The following PHYHD1 variants were observed in gnomAD, a reference collection of about 807,000 sequenced individuals.
The protein encoded by PHYHD1 is phytanoyl-CoA dioxygenase domain containing 1.
In PHYHD1, 42 loss-of-function variants were observed where a neutral mutation model predicts 43.6. The ratio of observed to expected loss-of-function variants is 0.96; its 90% CI spans 0.75 to 1.25. The LOEUF is 1.25. Ranked by LOEUF, PHYHD1 falls within the 50% of genes most tolerant of loss-of-function variation. PHYHD1 has a pLI of 0.00. For missense variants in PHYHD1, 342 were observed against 370.8 expected, an observed-to-expected ratio of 0.92 and a Z score of 0.64; for synonymous variants, 139 against 143.6, an observed-to-expected ratio of 0.97 and a Z score of 0.23.
chr9:128,923,360 G>A (rs1841052615), intron 3 of PHYHD1, among the ~76,000 whole-genome samples: 1 of 152,216 alleles, frequency 6.6e-6, no homozygotes, highest in East Asian at 1.9e-4. Context: ...AACAAGGCAT[G>A]AGCCACCGCG....
At position 128,941,502 on chromosome 9, in the gene PHYHD1, A is replaced by G. The variant is rs1841559313; in HGVS notation, c.761A>G (p.Asp254Gly). The G allele has an allele frequency of 6.2e-7, 1 of 1,613,966 alleles. No homozygotes were observed. The highest frequency in any genetic ancestry group is 8.5e-7 in the Non-Finnish European group (1 of 1,180,002). The change falls in exon 12 of 13, where the codon GAC becomes GGC. Residue 254 changes from aspartate (D) to glycine (G), a missense_variant. Coordinates refer to ENST00000372592, the MANE Select transcript of PHYHD1 (RefSeq NM_001100876.2). The stretch of plus-strand genomic sequence containing the variant: ...CACAAGAGCAAGCAGAACCTCTCTG[A>G]CCGCTCGCGCCAGGCCTACACTTTC... ...VVHKSKQNLS[D>G]RSRQAYTFHL...
Position 128,936,571 on chromosome 9 carries a change from GC to G in PHYHD1, c.373-6del. Reference sequence around the variant, plus strand: ...GTGGCAGGCTGGCAGCATGACCTTTGCCCCCCTCCAGACCTTGGCCAGAAGT... The same window carrying G: ...GTGGCAGGCTGGCAGCATGACCTTTGCCCCCTCCAGACCTTGGCCAGAAGT... On this transcript the variant is annotated splice_polypyrimidine_tract_variant and intron_variant, in intron 7 of 12. Coordinates refer to ENST00000372592, the MANE Select transcript of PHYHD1 (RefSeq NM_001100876.2). The G allele has an allele frequency of 6.3e-7, 1 of 1,597,296 alleles. No homozygotes were observed.
Position 128,922,331 on chromosome 9 carries a change from G to A in PHYHD1, c.8G>A (p.Cys3Tyr). Residue 3 changes from cysteine to tyrosine, a missense_variant, in exon 3 of 13, where the codon TGC (cysteine) becomes TAC (tyrosine). Cys to Tyr is a radical substitution (Grantham distance 194, BLOSUM62 -2). Transcript: ENST00000372592. ...AGTGCCCTGAGCGTCTCCATGGCCT[G>A]CCTGAGCCCCTCGCAGCTCCAGAAG... MACLSPSQLQKFQ... is the reference protein window; with the variant it reads MAYLSPSQLQKFQ... 1.9e-6 allele frequency: 3 copies of A among 1,550,918 alleles called. No homozygotes were observed. Among genetic ancestry groups the A allele is most frequent in the Non-Finnish European group, 2.6e-6 (3 of 1,147,254 alleles).
At chr9:128,927,856 T>C (rs1394497687) in intron 4 of PHYHD1, among the ~76,000 whole-genome samples, 1 of 152,234 alleles carries the variant, frequency 6.6e-6, no homozygotes, top group Admixed American at 6.5e-5. Context: ...GCCAGCCACC[T>C]GGAATGAGCA....
At chr9:128,921,831 G>C (rs544040048) in intron 1 of PHYHD1, 99 bp from the exon 2 acceptor site, 1 of 158,392 alleles carries the variant, frequency 6.3e-6, no homozygotes, top group South Asian at 1.8e-4. Flanking sequence ...GGCCCAGATA[G>C]TTCTCCCCAG....
intron 4 of PHYHD1, among the ~76,000 whole-genome samples, chr9:128,933,381 C>T (rs1456744075): frequency 6.6e-6 from 1 of 151,990 alleles, no homozygotes; most frequent in African/African-American, 2.4e-5. Context: ...GAACTCCTGG[C>T]CTCAAGTGAT....
intron 8 of PHYHD1, among the ~76,000 whole-genome samples, 192 bp downstream of exon 8, chr9:128,936,837 G>A (rs1161150927): frequency 6.6e-6 from 1 of 152,072 alleles, no homozygotes; most frequent in Non-Finnish European, 1.5e-5. Flanking sequence ...GGTAGGGGCC[G>A]GGCGTGGTGG....
At chr9:128,940,880 T>A (rs959043598) in intron 11 of PHYHD1, among the ~76,000 whole-genome samples, 165 bp downstream of exon 11, 7 of 152,142 alleles carry the variant, frequency 4.6e-5, no homozygotes, top group African/African-American at 1.7e-4. Context: ...GGAAGCAGCA[T>A]GTTTTCCTGC....
intron 6 of PHYHD1, 42 bp from the exon 7 acceptor site, chr9:128,936,406 G>A (rs372941280): frequency 6.4e-5 from 102 of 1,584,186 alleles, no homozygotes; most frequent in African/African-American, 1.6e-4. Context: ...GGAGGGACAC[G>A]TGGGCCTGAG....
rs756629339 is a variant in PHYHD1, at chr9:128,940,361, C to T, written c.458-8C>T. 4.3e-5 allele frequency: 70 copies of T among 1,613,932 alleles called. 1 individual carries two copies. The South Asian group carries it at 6.7e-4, about 15-fold the overall frequency. ...GATGAGCTCCTCACCCCCCGTGGGC[C>T]TGCTTAGTCTCCCCTCATCAGGACG... On this transcript the variant is annotated splice_polypyrimidine_tract_variant and splice_region_variant and intron_variant, in intron 9 of 12. Coordinates refer to ENST00000372592, the MANE Select transcript of PHYHD1 (RefSeq NM_001100876.2).
In PHYHD1 at chr9:128,922,323, C is replaced by G; in HGVS notation, c.-1C>G. 6.4e-7 allele frequency: 1 copy of G among 1,551,222 alleles called. No homozygotes were observed. Among genetic ancestry groups the G allele is most frequent in the Non-Finnish European group, 8.7e-7 (1 of 1,147,324 alleles). ...AGCCGCCCAGTGCCCTGAGCGTCTC[C>G]ATGGCCTGCCTGAGCCCCTCGCAGC... On this transcript the variant is annotated 5_prime_UTR_variant, in exon 3 of 13. Coordinates refer to ENST00000372592, the MANE Select transcript of PHYHD1 (RefSeq NM_001100876.2).
chr9:128,930,811 T>G (rs1225054423), intron 4 of PHYHD1, among the ~76,000 whole-genome samples: 9 of 151,648 alleles, frequency 5.9e-5, no homozygotes, highest in Admixed American at 5.3e-4. Context: ...TAGCTGGGTG[T>G]GGTGGCGGGC....
rs1341651128 is a variant in PHYHD1 at position 128,940,506 on chromosome 9, C to T, written c.586+9C>T. 1 of 1,614,116 alleles carries T rather than the reference C, an allele frequency of 6.2e-7. No homozygotes were observed. The highest frequency in any genetic ancestry group is 8.5e-7 in the Non-Finnish European group (1 of 1,180,018). ...CCCTGGCTCCCACACCAGTGAGGAA[C>T]CCTGTCTCTTCTGCCCACTTGGGAC... On this transcript the variant is annotated intron_variant, in intron 10 of 12. Transcript: ENST00000372592.
intron 6 of PHYHD1, among the ~76,000 whole-genome samples, chr9:128,934,313 T>C (rs1841370338): frequency 6.6e-6 from 1 of 151,090 alleles, no homozygotes; most frequent in Non-Finnish European, 1.5e-5. Flanking sequence ...TGCTTGAACC[T>C]GGGAGGCGGA....
chr9:128,939,098 G>A (rs1240869343), intron 9 of PHYHD1, among the ~76,000 whole-genome samples: 1 of 131,758 alleles, frequency 7.6e-6, no homozygotes, highest in Admixed American at 8.4e-5. Context: ...ATGTTTCAAA[G>A]CCCCTTCCAT....
intron 3 of PHYHD1, among the ~76,000 whole-genome samples, chr9:128,922,936 C>CTT (rs59238657): frequency 0.013 from 1,192 of 90,384 alleles, 1 homozygote; most frequent in East Asian, 0.02. Context: ...ATGCCCAGCT[C>CTT]TTTTTTTTTT....
intron 4 of PHYHD1, among the ~76,000 whole-genome samples, chr9:128,928,421 G>T (rs1346777400): frequency 6.6e-6 from 1 of 152,024 alleles, no homozygotes; most frequent in Non-Finnish European, 1.5e-5. Flanking sequence ...CTGATATATT[G>T]GCCGGGCGCA....
chr9:128,938,357 C>T (rs914043631), intron 9 of PHYHD1, among the ~76,000 whole-genome samples: 1 of 151,780 alleles, frequency 6.6e-6, no homozygotes, highest in African/African-American at 2.4e-5. Flanking sequence ...ACAAAAAAAA[C>T]AGATTCCTGG....
Position 128,941,983 on chromosome 9 carries a change from ATGGAACTC to A in PHYHD1, c.*274_*281del. The A allele has an allele frequency of 1.8e-6, 1 of 546,730 alleles. No homozygotes were observed. 33.9% of individuals were successfully genotyped at this position (546,730 alleles called of 1,614,324 possible). On this transcript the variant is annotated 3_prime_UTR_variant, in exon 13 of 13. Transcript: ENST00000372592. Reference sequence around the variant, plus strand: ...CCTTCTCACTCTCCTCTCCTCTCAGATGGAACTCTGGTTATTATGGTGTTAGTTATCGA... The same window carrying A: ...CCTTCTCACTCTCCTCTCCTCTCAGATGGTTATTATGGTGTTAGTTATCGA...
Sources: allele counts gnomAD v4.1 joint callset (sites outside exome capture counted in the v4.1 genomes callset), GRCh38; gene constraint gnomAD v4.1.1; transcripts MANE v1.5; gene names NCBI Gene and HGNC (gene_info 2026-07-23, HGNC 2026-07-21).